The following TENM2 variants were observed in gnomAD, a reference collection of about 807,000 sequenced individuals.
TENM2 encodes teneurin-2.
Under a neutral mutation model 245.2 loss-of-function variants are expected in TENM2, and 52 were observed. The observed-to-expected ratio is 0.21, with a 90% confidence interval of 0.17 to 0.27. The LOEUF (loss-of-function observed/expected upper bound fraction) is 0.27. Ranked by LOEUF, TENM2 falls within the 10% of genes least tolerant of loss-of-function variation. TENM2 has a pLI of 1.00. For synonymous variants in TENM2, 1,363 were observed against 1,438.9 expected (o/e 0.95, Z 1.19); for missense variants, 3,046 against 3,666.8 (o/e 0.83, Z 4.37).
intron 2 of TENM2, among the ~76,000 whole-genome samples, chr5:167,810,716 G>A (rs1766574413): frequency 6.6e-6 from 1 of 152,010 alleles, no homozygotes; most frequent in Admixed American, 6.6e-5. Flanking sequence ...TTGTATCCAA[G>A]TGCAACAATT....
chr5:167,189,527 C>G, the TENM2 span, among the ~76,000 whole-genome samples: 17 of 149,562 alleles, frequency 1.1e-4, no homozygotes, highest in African/African-American at 4.2e-4. Flanking sequence ...CTTCCTTTCT[C>G]TCTTTCTTTC....
intron 2 of TENM2, among the ~76,000 whole-genome samples, chr5:167,616,074 C>T (rs1777772834): frequency 6.6e-6 from 1 of 152,010 alleles, no homozygotes. Flanking sequence ...TTAATAACAC[C>T]GTTGCTGTTT....
chr5:168,110,039 CT>C (rs5873091), intron 9 of TENM2, among the ~76,000 whole-genome samples: 47,624 of 121,858 alleles, frequency 0.39, 7,405 homozygotes, highest in Non-Finnish European at 0.44. Context: ...AAGAACCCTT[CT>C]TTTTTTTTTT....
intron 12 of TENM2, among the ~76,000 whole-genome samples, chr5:168,154,147 T>TAAAAAAAA (rs70976465): frequency 0.014 from 1,177 of 84,910 alleles, 36 homozygotes; most frequent in African/African-American, 0.042. Context: ...TCACCTACTT[T>TAAAAAAAA]AAAAAAAAAA....
rs186826797 is a variant in TENM2 at position 167,410,272 on chromosome 5, A to G, written c.502+34799A>G. Reference sequence around the variant, plus strand: ...CAACTCTTTTCACTTGTTGAGACAGATGGCCTATCTTTATGAAGGCAAATA... The same window carrying G: ...CAACTCTTTTCACTTGTTGAGACAGGTGGCCTATCTTTATGAAGGCAAATA... On this transcript the variant is annotated intron_variant, in intron 2 of 28. Transcript: ENST00000518659. Among the ~76,000 whole-genome samples, 75 of 152,174 alleles carry G rather than the reference A, an allele frequency of 4.9e-4. 1 individual carries two copies. The East Asian group carries it at 0.013, about 26-fold the overall frequency.
At position 167,442,312 on chromosome 5, in the gene TENM2, T is replaced by C. The variant is rs1007606831; in HGVS notation, c.502+66839T>C. Among the ~76,000 whole-genome samples the C allele has an allele frequency of 5.3e-5, 8 of 152,364 alleles. 1 individual carries two copies. Among genetic ancestry groups the C allele is most frequent in the Admixed American group, 4.6e-4 (7 of 15,304 alleles). ...ATTTTATTCAACCAGTTACTATTCA[T>C]ACTATTATTTGCAATATGTCTTTAT... On this transcript the variant is annotated intron_variant, in intron 2 of 28. Coordinates refer to ENST00000518659, the Ensembl canonical transcript of TENM2.
chr5:167,974,021 G>GAGGA lies in TENM2; in HGVS notation c.948-18910_948-18907dup, dbSNP rs1242975242. Reference sequence around the variant, plus strand: ...GGAGAAAGGGAGGGAGGGAGGGAGGGAGGAAGGAAGGAAGGAGAAGGAAGG... The same window carrying GAGGA: ...GGAGAAAGGGAGGGAGGGAGGGAGGGAGGAAGGAAGGAAGGAAGGAGAAGGAAGG... On this transcript the variant is annotated intron_variant, in intron 4 of 28. Transcript: ENST00000518659. Among the ~76,000 whole-genome samples the GAGGA allele has an allele frequency of 4.5e-3, 286 of 64,236 alleles. 22 individuals are homozygous for GAGGA. Among genetic ancestry groups the GAGGA allele is most frequent in the Admixed American group, 7.0e-3 (38 of 5,434 alleles). 42.1% of individuals were successfully genotyped at this position (64,236 alleles called of 152,430 possible).
chr5:168,154,356 A>G (rs756969170), intron 12 of TENM2, among the ~76,000 whole-genome samples: 1 of 151,916 alleles, frequency 6.6e-6, no homozygotes, highest in Non-Finnish European at 1.5e-5. Context: ...AGCTGGGATT[A>G]TAGGTGCCTG....
At chr5:167,683,789 T>C (rs1756895811) in intron 2 of TENM2, among the ~76,000 whole-genome samples, 2 of 152,208 alleles carry the variant, frequency 1.3e-5, no homozygotes. Context: ...CTAATTTTAA[T>C]AACAATCGAT....
chr5:167,822,971 T>C (rs1488246315), intron 2 of TENM2, among the ~76,000 whole-genome samples: 1 of 152,222 alleles, frequency 6.6e-6, no homozygotes, highest in African/African-American at 2.4e-5. Context: ...GATTTTTTAA[T>C]GAACTATTTG....
the TENM2 span, among the ~76,000 whole-genome samples, chr5:167,101,954 G>C: frequency 1.2e-5 from 1 of 82,814 alleles, no homozygotes; most frequent in Non-Finnish European, 2.5e-5. Flanking sequence ...TTTTTTTTTT[G>C]GTGGATCATG....
chr5:167,959,197 T>C (rs1780799776), intron 4 of TENM2, among the ~76,000 whole-genome samples: 1 of 150,432 alleles, frequency 6.6e-6, no homozygotes, highest in Non-Finnish European at 1.5e-5. Flanking sequence ...TCTTTTTTTT[T>C]TTTTTTTCTT....
the TENM2 span, among the ~76,000 whole-genome samples, chr5:166,985,865 G>A: frequency 6.6e-5 from 10 of 152,084 alleles, no homozygotes; most frequent in Admixed American, 6.6e-4. Context: ...CAGGTGTTTG[G>A]CTTGACATAG....
At chr5:167,859,355 A>G (rs1771447511) in intron 2 of TENM2, among the ~76,000 whole-genome samples, 1 of 146,316 alleles carries the variant, frequency 6.8e-6, no homozygotes, top group African/African-American at 2.5e-5. Context: ...TCCGCCCGGC[A>G]GCCACCCCGT....
At chr5:167,764,337 C>T (rs2150728010) in intron 2 of TENM2, among the ~76,000 whole-genome samples, 2 of 152,250 alleles carry the variant, frequency 1.3e-5, no homozygotes, top group Middle Eastern at 6.8e-3. Context: ...TCTGAGAACA[C>T]CATCTGTTTT....
chr5:167,755,283 C>A, intron 2 of TENM2: 1 of 931,734 alleles, frequency 1.1e-6, no homozygotes. Flanking sequence ...AACCCTTCAG[C>A]GGATACCAAG....
intron 1 of TENM2, among the ~76,000 whole-genome samples, chr5:167,312,018 A>G (rs1756061747): frequency 1.3e-5 from 2 of 152,190 alleles, no homozygotes; most frequent in Admixed American, 6.5e-5. Context: ...TTTCTTTGCA[A>G]TAGCATCATG....
chr5:167,343,686 A>G (rs1483563377), intron 1 of TENM2, among the ~76,000 whole-genome samples: 3 of 152,182 alleles, frequency 2.0e-5, no homozygotes, highest in East Asian at 1.9e-4. Flanking sequence ...CTTGTACTGC[A>G]TTTTTTAAAA....
At chr5:167,919,232 CAG>C (rs1341728967) in intron 3 of TENM2, among the ~76,000 whole-genome samples, 1 of 152,180 alleles carries the variant, frequency 6.6e-6, no homozygotes, top group African/African-American at 2.4e-5. Context: ...TCCCTCGACA[CAG>C]AGGAGCAGTC....
Sources: gnomAD v4.1 joint callset for allele counts (sites outside exome capture counted in the v4.1 genomes callset) on GRCh38, gnomAD v4.1.1 for gene constraint, MANE v1.5 for transcripts, NCBI Gene and HGNC (gene_info 2026-07-23, HGNC 2026-07-21) for gene names.